Variants in IQGAP2 observed in about 807,000 individuals in gnomAD.
IQGAP2 encodes the protein IQ motif containing GTPase activating protein 2, also known as ras GTPase-activating-like protein IQGAP2.
A neutral mutation model predicts 201.3 loss-of-function variants in IQGAP2; 173 were observed. The ratio of observed to expected loss-of-function variants is 0.86; its 90% CI spans 0.76 to 0.98. The LOEUF is 0.98. Among genes scored for constraint, IQGAP2 ranks in the 50% least tolerant of loss-of-function variants. The pLI is 0.00. For synonymous variants in IQGAP2, 675 were observed against 673.9 expected, an observed-to-expected ratio of 1.00 and a Z score of -0.03; for missense variants, 1,687 against 1,864.8, an observed-to-expected ratio of 0.90 and a Z score of 1.76.
intron 27 of IQGAP2, among the ~76,000 whole-genome samples, chr5:76,676,935 T>A (rs1744871430): frequency 1.3e-5 from 2 of 152,214 alleles, no homozygotes; most frequent in African/African-American, 4.8e-5. Flanking sequence ...ATAACATTTT[T>A]AAGATGACCT....
intron 2 of IQGAP2, among the ~76,000 whole-genome samples, chr5:76,480,081 G>T (rs141072693): frequency 6.6e-6 from 1 of 152,034 alleles, no homozygotes; most frequent in Non-Finnish European, 1.5e-5. Flanking sequence ...GCCACTTTAC[G>T]CACCCACAGA....
intron 10 of IQGAP2, among the ~76,000 whole-genome samples, chr5:76,598,226 T>C (rs1358415075): frequency 2.0e-5 from 3 of 152,222 alleles, no homozygotes; most frequent in Non-Finnish European, 4.4e-5. Flanking sequence ...ATGATATCCT[T>C]GCAAGTGTTT....
At chr5:76,652,645 A>G (rs1213812405) in intron 17 of IQGAP2, 105 bp from the exon 18 acceptor site, 2 of 814,188 alleles carry the variant, frequency 2.5e-6, no homozygotes, top group South Asian at 1.4e-5. Flanking sequence ...GGTGCCTGAC[A>G]GTGTCCCAGC....
At chr5:76,704,042 G>A (rs192041686) in intron 35 of IQGAP2, among the ~76,000 whole-genome samples, 84 of 152,338 alleles carry the variant, frequency 5.5e-4, no homozygotes, top group Non-Finnish European at 7.6e-4. Flanking sequence ...AGATAATGGA[G>A]TAAATTAGAA....
chr5:76,634,798 C>A (rs1363397852), intron 15 of IQGAP2, among the ~76,000 whole-genome samples: 1 of 152,072 alleles, frequency 6.6e-6, no homozygotes, highest in East Asian at 1.9e-4. Context: ...CTCAGTTTAA[C>A]GCTTCTATAT....
At chr5:76,603,671 C>T (rs1000139197) in intron 11 of IQGAP2, among the ~76,000 whole-genome samples, 5 of 152,166 alleles carry the variant, frequency 3.3e-5, no homozygotes, top group Admixed American at 2.0e-4. Flanking sequence ...AGCATAAAGG[C>T]TGCACCTTTT....
intron 1 of IQGAP2, among the ~76,000 whole-genome samples, chr5:76,436,521 T>A (rs868475213): frequency 0.012 from 283 of 23,390 alleles, no homozygotes; most frequent in Middle Eastern, 0.038. Flanking sequence ...ATATATATTT[T>A]TTTTTTTTTT....
rs773528209 is a variant in IQGAP2, at chr5:76,665,095, G to C, written c.2599G>C (p.Asp867His). ...AGAAATGGAAATACTGAATAACACC[G>C]ACAACCAAGGAATAAAAAGTTTGAG... ...GGEMEILNNT[D>H]NQGIKSLSKE... The change falls in exon 22 of 36, where the codon GAC (aspartate) becomes CAC (histidine). Residue 867 changes from aspartate to histidine, a missense_variant. By Grantham distance (81) the Asp-to-His change is moderately conservative (BLOSUM62 -1). Transcript: ENST00000274364. 1 of 1,606,164 alleles carries C rather than the reference G, an allele frequency of 6.2e-7. No individual in the cohort carries two copies. Among genetic ancestry groups the C allele is most frequent in the East Asian group, 2.2e-5 (1 of 44,770 alleles).
chr5:76,631,462 G>C (rs1256938193), intron 14 of IQGAP2, among the ~76,000 whole-genome samples: 2 of 152,080 alleles, frequency 1.3e-5, no homozygotes, highest in Non-Finnish European at 2.9e-5. Flanking sequence ...AACTTAAAAA[G>C]GATTTTGCTT....
chr5:76,609,203 G>C (rs1748056927), intron 12 of IQGAP2: 2 of 1,535,840 alleles, frequency 1.3e-6, no homozygotes, highest in Non-Finnish European at 1.7e-6. Flanking sequence ...GTTCTGTTAA[G>C]ACCATTTTTG....
At chr5:76,610,770 A>G (rs755253861) in intron 12 of IQGAP2, among the ~76,000 whole-genome samples, 2 of 151,968 alleles carry the variant, frequency 1.3e-5, no homozygotes, top group Non-Finnish European at 2.9e-5. Flanking sequence ...TGTTTCTTTC[A>G]TTAAATTATG....
intron 2 of IQGAP2, among the ~76,000 whole-genome samples, chr5:76,526,845 A>G (rs1014638648): frequency 2.6e-5 from 4 of 152,252 alleles, no homozygotes; most frequent in African/African-American, 9.6e-5. Context: ...GGGAAACTCA[A>G]AAGTGTGGAT....
rs568928774 is a variant in IQGAP2 at position 76,570,198 on chromosome 5, A to G, written c.304-382A>G. ...TTCTAAAAATCCTGTCTTTTTCTGA[A>G]GTTGCTAGGCCTCTCAGCCATGGTT... On this transcript the variant is annotated intron_variant, in intron 3 of 35. Transcript: ENST00000274364. 6.6e-5 allele frequency among the ~76,000 whole-genome samples: 10 copies of G among 152,304 alleles called. No homozygotes were observed. In the South Asian group the frequency reaches 1.9e-3, roughly 28 times the overall value.
At chr5:76,541,933 GT>G (rs1271504726) in intron 2 of IQGAP2, among the ~76,000 whole-genome samples, 3 of 152,194 alleles carry the variant, frequency 2.0e-5, no homozygotes, top group Admixed American at 2.0e-4. Context: ...TGTAATAAGA[GT>G]TTTAGATGTA....
intron 3 of IQGAP2, among the ~76,000 whole-genome samples, chr5:76,568,119 T>C (rs1262497954): frequency 6.6e-6 from 1 of 152,202 alleles, no homozygotes; most frequent in East Asian, 1.9e-4. Flanking sequence ...GTTGACAATG[T>C]TATTGCTGCA....
intron 17 of IQGAP2, among the ~76,000 whole-genome samples, chr5:76,648,446 T>C (rs1752254619): frequency 6.6e-6 from 1 of 152,138 alleles, no homozygotes; most frequent in African/African-American, 2.4e-5. Flanking sequence ...CTACCGACAT[T>C]ACCTAAGGTT....
At chr5:76,677,385 C>G in intron 28 of IQGAP2, 35 bp downstream of exon 28, 1 of 1,603,830 alleles carries the variant, frequency 6.2e-7, no homozygotes, top group Non-Finnish European at 8.5e-7. Context: ...TAGCAATGGA[C>G]CCATGATTTA....
At chr5:76,440,349 A>G (rs1752956634) in intron 1 of IQGAP2, among the ~76,000 whole-genome samples, 1 of 152,082 alleles carries the variant, frequency 6.6e-6, no homozygotes, top group African/African-American at 2.4e-5. Flanking sequence ...ACATAGTGAG[A>G]TCCTTTCTCT....
chr5:76,642,353 A>G (rs1380252758), intron 17 of IQGAP2, among the ~76,000 whole-genome samples: 1 of 152,166 alleles, frequency 6.6e-6, no homozygotes, highest in Non-Finnish European at 1.5e-5. Context: ...GATGAGAGAA[A>G]TGGGGTAAGG....
Sources: gnomAD v4.1 joint callset for allele counts (sites outside exome capture counted in the v4.1 genomes callset) on GRCh38, gnomAD v4.1.1 for gene constraint, MANE v1.5 for transcripts, NCBI Gene and HGNC (gene_info 2026-07-23, HGNC 2026-07-21) for gene names.